POLA2: variants seen among roughly 807,000 people sequenced by gnomAD.
The protein encoded by POLA2 is DNA polymerase alpha subunit B.
In POLA2, 47 loss-of-function variants were observed where a neutral mutation model predicts 82.8. The observed-to-expected ratio is 0.57, with a 90% CI of 0.45 to 0.72. The LOEUF (loss-of-function observed/expected upper bound fraction) is 0.72. Among genes scored for constraint, POLA2 ranks in the 30% least tolerant of loss-of-function variants. The probability of loss-of-function intolerance (pLI) is 0.00; values close to 1 mark genes in which losing one functional copy is unlikely to be tolerated. For synonymous variants in POLA2, 287 were observed against 286.8 expected (o/e 1.00, Z -0.01); for missense variants, 634 against 728.1 (o/e 0.87, Z 1.49).
intron 1 of POLA2, among the ~76,000 whole-genome samples, chr11:65,263,386 A>AT (rs1170837175): frequency 3.3e-5 from 5 of 151,000 alleles, no homozygotes; most frequent in Non-Finnish European, 3.0e-5. Context: ...GGCCCGACTA[A>AT]TTTTTTTTTG....
At position 65,266,711 on chromosome 11, in the gene POLA2, G is replaced by A. The variant is rs1222161303; in HGVS notation, c.204+5G>A. The A allele has an allele frequency of 1.2e-6, 2 of 1,613,994 alleles. No individual in the cohort carries two copies. The highest frequency in any genetic ancestry group is 1.7e-6 in the Non-Finnish European group (2 of 1,179,884). On this transcript the variant is annotated splice_donor_5th_base_variant and intron_variant, in intron 2 of 17. Coordinates refer to ENST00000265465, the MANE Select transcript of POLA2 (RefSeq NM_002689.4). ...CTGAACTCTTTTGAGCATGAGGTAAGAACAAAATGAAAGCAAACTAATAAT... is the reference window on the plus strand; with the variant it reads ...CTGAACTCTTTTGAGCATGAGGTAAAAACAAAATGAAAGCAAACTAATAAT...
At chr11:65,264,756 C>G (rs1197352631) in intron 1 of POLA2, among the ~76,000 whole-genome samples, 1 of 152,210 alleles carries the variant, frequency 6.6e-6, no homozygotes, top group Non-Finnish European at 1.5e-5. Flanking sequence ...GTCCTAAACC[C>G]CATTCCTTCT....
chr11:65,303,930 G>A (rs1472704374), intron 8 of POLA2, among the ~76,000 whole-genome samples: 1 of 152,154 alleles, frequency 6.6e-6, no homozygotes, highest in Non-Finnish European at 1.5e-5. Flanking sequence ...AATCTCTGCT[G>A]CCACCCAGAG....
intron 1 of POLA2, among the ~76,000 whole-genome samples, chr11:65,265,850 A>G (rs901335387): frequency 2.6e-5 from 4 of 152,180 alleles, no homozygotes; most frequent in African/African-American, 9.7e-5. Flanking sequence ...CAGAGGCCCT[A>G]AGGCGCCCCA....
chr11:65,295,157 G>A (rs550552393), intron 15 of POLA2, among the ~76,000 whole-genome samples: 14 of 152,352 alleles, frequency 9.2e-5, no homozygotes, highest in South Asian at 4.1e-4. Context: ...CATGTGAAGC[G>A]ACTCGCGTGT....
At chr11:65,285,168 G>A (rs1949682876) in intron 10 of POLA2, among the ~76,000 whole-genome samples, 1 of 152,062 alleles carries the variant, frequency 6.6e-6, no homozygotes, top group African/African-American at 2.4e-5. Context: ...CACTTTGGGA[G>A]GCCGAGGTGG....
chr11:65,279,727 T>TCAAA, intron 7 of POLA2, 101 bp downstream of exon 7: 2 of 847,136 alleles, frequency 2.4e-6, no homozygotes, highest in Non-Finnish European at 3.8e-6. Flanking sequence ...TTGTCTGTGT[T>TCAAA]CTAGTTTGAA....
downstream of POLA2, among the ~76,000 whole-genome samples, chr11:65,300,447 G>T (rs1439499970): frequency 6.7e-6 from 1 of 149,640 alleles, no homozygotes. Flanking sequence ...AGCCTCCTGA[G>T]TAGCTGAGAT....
intron 8 of POLA2, among the ~76,000 whole-genome samples, chr11:65,304,449 A>C (rs1590915896): frequency 8.7e-6 from 1 of 114,598 alleles, no homozygotes; most frequent in Non-Finnish European, 1.8e-5. Flanking sequence ...CCACCCACCC[A>C]CCCATCCATC....
chr11:65,265,117 T>C (rs537714648), intron 1 of POLA2, among the ~76,000 whole-genome samples: 1 of 152,064 alleles, frequency 6.6e-6, no homozygotes, highest in East Asian at 1.9e-4. Flanking sequence ...TAGTCCCAGC[T>C]ACTTGGGAGG....
At chr11:65,288,703 A>G (rs952749189) in intron 11 of POLA2, among the ~76,000 whole-genome samples, 3 of 151,942 alleles carry the variant, frequency 2.0e-5, no homozygotes, top group Non-Finnish European at 2.9e-5. Flanking sequence ...ATTTTTTTGT[A>G]GAGAGAGGGT....
chr11:65,266,395 G>T, intron 1 of POLA2, 187 bp from the exon 2 acceptor site: 1 of 581,372 alleles, frequency 1.7e-6, no homozygotes, highest in Non-Finnish European at 3.0e-6. Flanking sequence ...ATCCTCTTTT[G>T]TCTCCCCTCA....
chr11:65,268,688 G>A lies in POLA2; in HGVS notation c.313G>A (p.Glu105Lys), dbSNP rs138206808. 1.9e-5 allele frequency: 31 copies of A among 1,598,040 alleles called. No homozygotes were observed. In the Middle Eastern group the frequency reaches 8.3e-4, roughly 43 times the overall value. Residue 105 changes from glutamate to lysine, a missense_variant, in exon 4 of 18, where the codon GAA becomes AAA. Glu to Lys is a moderately conservative substitution (Grantham distance 56). Coordinates refer to ENST00000265465, the MANE Select transcript of POLA2 (RefSeq NM_002689.4). The stretch of plus-strand genomic sequence containing the variant: ...TGTTCTTAGAATTGAAGTGGAAGAA[G>A]AAGAGGAAATCCTCTTGAACTCTTA... ...SIQELIEVEE[E>K]EEILLNSYTT...
At chr11:65,293,560 C>T (rs1049600068) in intron 13 of POLA2, among the ~76,000 whole-genome samples, 1 of 147,202 alleles carries the variant, frequency 6.8e-6, no homozygotes, top group African/African-American at 2.5e-5. Flanking sequence ...AGTGAGCCCA[C>T]ATCATGCCAC....
Position 65,289,815 on chromosome 11 carries a change from G to A in POLA2, c.1187G>A (p.Ser396Asn), listed in dbSNP as rs1453082456. 1 of 1,609,518 alleles carries A rather than the reference G, an allele frequency of 6.2e-7. No homozygotes were observed. The highest frequency in any genetic ancestry group is 8.5e-7 in the Non-Finnish European group (1 of 1,175,932). Reference sequence around the variant, plus strand: ...TTCTTGCAGAATTGTCTACTGACAAGTCCATTTGAAGACATTTTCAAGCAG... The same window carrying A: ...TTCTTGCAGAATTGTCTACTGACAAATCCATTTGAAGACATTTTCAAGCAG... ...HEQVENCLLT[S>N]PFEDIFKQCL... The change falls in exon 13 of 18, where the codon AGT (serine) becomes AAT (asparagine). Residue 396 changes from serine to asparagine, a missense_variant. By Grantham distance (46) the Ser-to-Asn change is conservative (BLOSUM62 1). Coordinates refer to ENST00000265465, the MANE Select transcript of POLA2 (RefSeq NM_002689.4).
At position 65,281,751 on chromosome 11, in the gene POLA2, A is replaced by C; in HGVS notation, c.963+19A>C. ...CTACGAGGTACACAGCAGTACCCCCACTTGCCTCTTGGTTTGCTTCAGACA... is the reference window on the plus strand; with the variant it reads ...CTACGAGGTACACAGCAGTACCCCCCCTTGCCTCTTGGTTTGCTTCAGACA... On this transcript the variant is annotated intron_variant, in intron 9 of 17. Coordinates refer to ENST00000265465, the MANE Select transcript of POLA2 (RefSeq NM_002689.4). The C allele has an allele frequency of 6.2e-7, 1 of 1,604,214 alleles. No homozygotes were observed. The highest frequency in any genetic ancestry group is 1.1e-5 in the South Asian group (1 of 90,874).
chr11:65,290,108 C>T (rs1431241927), intron 13 of POLA2, among the ~76,000 whole-genome samples: 2 of 151,918 alleles, frequency 1.3e-5, no homozygotes, highest in African/African-American at 2.4e-5. Flanking sequence ...ATTAGCCAGG[C>T]GTGGCGGTGG....
intron 10 of POLA2, among the ~76,000 whole-genome samples, chr11:65,283,065 A>G (rs1318021681): frequency 6.6e-6 from 1 of 152,208 alleles, no homozygotes. Flanking sequence ...CAGGAGTTCA[A>G]GGTTGCAGTG....
chr11:65,289,695 T>C (rs1468023914), intron 12 of POLA2, 104 bp from the exon 13 acceptor site: 3 of 703,652 alleles, frequency 4.3e-6, no homozygotes, highest in Non-Finnish European at 7.6e-6. Flanking sequence ...CTCCTTCAGC[T>C]CCTAGCCCAA....
Sources: gnomAD v4.1 joint callset for allele counts (sites outside exome capture counted in the v4.1 genomes callset) on GRCh38, gnomAD v4.1.1 for gene constraint, MANE v1.5 for transcripts, NCBI Gene and HGNC (gene_info 2026-07-23, HGNC 2026-07-21) for gene names.